The following LYZL4 variants were observed in gnomAD, a reference collection of about 807,000 sequenced individuals.
LYZL4 encodes lysozyme-like protein 4.
Under a neutral mutation model 17.6 loss-of-function variants are expected in LYZL4, and 13 were observed. The observed-to-expected ratio is 0.74, with a 90% CI of 0.48 to 1.18. The LOEUF (loss-of-function observed/expected upper bound fraction) is 1.18. Among genes scored for constraint, LYZL4 ranks in the 50% most tolerant of loss-of-function variants. The pLI is 0.00. For missense variants in LYZL4, 174 were observed against 188.2 expected, an observed-to-expected ratio of 0.92 and a Z score of 0.44; for synonymous variants, 64 against 67.7, an observed-to-expected ratio of 0.95 and a Z score of 0.27.
At chr3:42,364,382 G>A in the LYZL4 span, among the ~76,000 whole-genome samples, 5 of 127,848 alleles carry the variant, frequency 3.9e-5, no homozygotes, top group South Asian at 2.4e-4. Context: ...TGCTCTTGTC[G>A]CCCAGGCTGG....
the LYZL4 span, among the ~76,000 whole-genome samples, chr3:42,366,919 A>T: frequency 6.6e-6 from 1 of 152,086 alleles, no homozygotes; most frequent in Admixed American, 6.5e-5. Flanking sequence ...CCTAGACCCC[A>T]CCTCTGATCT....
chr3:42,385,798 A>G, the LYZL4 span, among the ~76,000 whole-genome samples: 3 of 152,248 alleles, frequency 2.0e-5, no homozygotes, highest in East Asian at 5.8e-4. Flanking sequence ...TATAATATTG[A>G]GGGTCAGGCA....
chr3:42,382,375 C>T, the LYZL4 span, among the ~76,000 whole-genome samples: 2 of 152,268 alleles, frequency 1.3e-5, no homozygotes, highest in Middle Eastern at 6.8e-3. Flanking sequence ...AGGGAAGAGA[C>T]AGTCTTTGAC....
the LYZL4 span, among the ~76,000 whole-genome samples, chr3:42,384,782 G>GGTGT: frequency 3.8e-4 from 58 of 151,250 alleles, no homozygotes; most frequent in South Asian, 0.012. Flanking sequence ...GGAAGGATGG[G>GGTGT]GTGTGTGTGT....
the LYZL4 span, among the ~76,000 whole-genome samples, chr3:42,385,511 A>C: frequency 6.6e-6 from 1 of 152,256 alleles, no homozygotes; most frequent in African/African-American, 2.4e-5. Flanking sequence ...TGATATTCAC[A>C]TGATGACAAA....
At chr3:42,390,279 T>C in the LYZL4 span, among the ~76,000 whole-genome samples, 1 of 152,220 alleles carries the variant, frequency 6.6e-6, no homozygotes, top group Non-Finnish European at 1.5e-5. Flanking sequence ...CAGGCAAGGC[T>C]TTTAATAATC....
At chr3:42,370,017 A>G in the LYZL4 span, among the ~76,000 whole-genome samples, 1 of 152,140 alleles carries the variant, frequency 6.6e-6, no homozygotes, top group Non-Finnish European at 1.5e-5. Flanking sequence ...CCCCATCTCA[A>G]ACAAAACAAA....
chr3:42,403,619 G>A (rs1226130412), intron 4 of LYZL4, among the ~76,000 whole-genome samples: 1 of 152,026 alleles, frequency 6.6e-6, no homozygotes, highest in Non-Finnish European at 1.5e-5. Context: ...ATTGGTGAAG[G>A]TGCAGTAAAT....
chr3:42,373,061 T>G, the LYZL4 span, among the ~76,000 whole-genome samples: 2 of 151,750 alleles, frequency 1.3e-5, no homozygotes, highest in African/African-American at 4.8e-5. Flanking sequence ...AAAAAAAAAT[T>G]TTAGCAGGGC....
the LYZL4 span, among the ~76,000 whole-genome samples, chr3:42,370,970 G>A: frequency 2.0e-5 from 3 of 152,126 alleles, no homozygotes; most frequent in African/African-American, 7.2e-5. Context: ...GCATCCAACC[G>A]AAACAACCTG....
At chr3:42,389,200 T>A in the LYZL4 span, among the ~76,000 whole-genome samples, 1 of 152,160 alleles carries the variant, frequency 6.6e-6, no homozygotes, top group Admixed American at 6.5e-5. Flanking sequence ...TATATATTCA[T>A]GGAGATCTAG....
the LYZL4 span, among the ~76,000 whole-genome samples, chr3:42,362,331 T>C: frequency 6.6e-6 from 1 of 152,116 alleles, no homozygotes; most frequent in Non-Finnish European, 1.5e-5. Context: ...GAAGAAACAA[T>C]AGATTTAGAA....
chr3:42,383,532 C>T, the LYZL4 span, among the ~76,000 whole-genome samples: 5 of 151,028 alleles, frequency 3.3e-5, no homozygotes, highest in Non-Finnish European at 4.4e-5. Context: ...CTCCAATCAG[C>T]TTCTTAAATA....
the LYZL4 span, among the ~76,000 whole-genome samples, chr3:42,383,013 A>G: frequency 6.6e-6 from 1 of 152,104 alleles, no homozygotes; most frequent in South Asian, 2.1e-4. Flanking sequence ...AGAGTCAGTT[A>G]GGCCCCAGCT....
the LYZL4 span, among the ~76,000 whole-genome samples, chr3:42,363,152 A>G: frequency 0.013 from 1,955 of 152,220 alleles, 84 homozygotes; most frequent in East Asian, 0.12. Context: ...ATTCCATGGG[A>G]AAAAAAAGTA....
the LYZL4 span, among the ~76,000 whole-genome samples, chr3:42,372,547 G>A: frequency 1.2e-4 from 18 of 152,318 alleles, no homozygotes; most frequent in African/African-American, 3.8e-4. Context: ...CCTGAGAACA[G>A]TGAGAGTTCA....
At chr3:42,373,872 A>G in the LYZL4 span, among the ~76,000 whole-genome samples, 8 of 152,188 alleles carry the variant, frequency 5.3e-5, no homozygotes, top group Admixed American at 5.2e-4. Flanking sequence ...TGCTTTGCAG[A>G]CAGAAATAAA....
the LYZL4 span, among the ~76,000 whole-genome samples, chr3:42,388,002 C>A: frequency 6.6e-6 from 1 of 152,158 alleles, no homozygotes; most frequent in African/African-American, 2.4e-5. Flanking sequence ...ACCACAAGGT[C>A]GGTCATCACA....
chr3:42,376,306 T>C, the LYZL4 span, among the ~76,000 whole-genome samples: 1 of 152,108 alleles, frequency 6.6e-6, no homozygotes, highest in Non-Finnish European at 1.5e-5. Context: ...AGGCTGAACA[T>C]TGTTGGTGCC....
Sources: gnomAD v4.1 joint callset for allele counts (sites outside exome capture counted in the v4.1 genomes callset) on GRCh38, gnomAD v4.1.1 for gene constraint, MANE v1.5 for transcripts, NCBI Gene and HGNC (gene_info 2026-07-23, HGNC 2026-07-21) for gene names.